Variants in MEF2A observed in about 807,000 individuals in gnomAD.
MEF2A encodes myocyte-specific enhancer factor 2A.
Under a neutral mutation model 55.8 loss-of-function variants are expected in MEF2A, and 28 were observed. That is an observed-to-expected ratio of 0.50 (90% CI 0.37 to 0.69). The LOEUF is 0.69. Among genes scored for constraint, MEF2A ranks in the 30% least tolerant of loss-of-function variants. MEF2A has a pLI of 0.00. For synonymous variants in MEF2A, 239 were observed against 227.1 expected (o/e 1.05, Z -0.47); for missense variants, 528 against 626.2 (o/e 0.84, Z 1.67).
At chr15:99,579,860 G>T (rs1965406880) in intron 1 of MEF2A, among the ~76,000 whole-genome samples, 1 of 152,108 alleles carries the variant, frequency 6.6e-6, no homozygotes, top group South Asian at 2.1e-4. Flanking sequence ...AGGTCTTGTA[G>T]GACCTTAACT....
At chr15:99,625,840 A>G (rs1288545123) in intron 2 of MEF2A, among the ~76,000 whole-genome samples, 2 of 152,044 alleles carry the variant, frequency 1.3e-5, no homozygotes, top group Non-Finnish European at 1.5e-5. Flanking sequence ...CACCATTATA[A>G]TCCTTTTAAT....
chr15:99,618,681 A>G (rs766967213), intron 2 of MEF2A, among the ~76,000 whole-genome samples: 5 of 152,198 alleles, frequency 3.3e-5, no homozygotes, highest in Non-Finnish European at 7.4e-5. Flanking sequence ...TGTGTAGTAC[A>G]TATACACATA....
At chr15:99,678,147 A>T (rs912428258) in intron 7 of MEF2A, among the ~76,000 whole-genome samples, 8 of 152,220 alleles carry the variant, frequency 5.3e-5, no homozygotes, top group Admixed American at 2.0e-4. Flanking sequence ...AATTTCCATT[A>T]TATCTTTTTC....
intron 8 of MEF2A, among the ~76,000 whole-genome samples, chr15:99,699,411 A>G (rs1399337352): frequency 1.3e-5 from 2 of 152,218 alleles, no homozygotes; most frequent in Non-Finnish European, 2.9e-5. Flanking sequence ...GGAGTTGACT[A>G]TAAAGGGTTA....
At chr15:99,655,441 C>T (rs1271228437) in intron 4 of MEF2A, among the ~76,000 whole-genome samples, 1 of 152,010 alleles carries the variant, frequency 6.6e-6, no homozygotes, top group Admixed American at 6.6e-5. Flanking sequence ...GATAGATGGT[C>T]TTGAATACCC....
At chr15:99,699,982 GTGTATATA>G (rs769530298) in intron 8 of MEF2A, among the ~76,000 whole-genome samples, 205 of 114,838 alleles carry the variant, frequency 1.8e-3, no homozygotes, top group African/African-American at 4.3e-3. Context: ...GTGTGTGTGT[GTGTATATA>G]TATATATATA....
At chr15:99,594,311 A>G (rs1970377030) in intron 1 of MEF2A, among the ~76,000 whole-genome samples, 1 of 152,200 alleles carries the variant, frequency 6.6e-6, no homozygotes, top group Admixed American at 6.5e-5. Context: ...CATGAAGGAT[A>G]TAGATGAATG....
chr15:99,681,340 A>T (rs1013106381), intron 7 of MEF2A, among the ~76,000 whole-genome samples: 2 of 152,200 alleles, frequency 1.3e-5, no homozygotes, highest in Non-Finnish European at 2.9e-5. Flanking sequence ...GAAGGTGGGG[A>T]TGGGATGGCG....
chr15:99,629,839 C>T (rs527757159), intron 2 of MEF2A, among the ~76,000 whole-genome samples: 72 of 152,192 alleles, frequency 4.7e-4, no homozygotes, highest in African/African-American at 1.7e-3. Flanking sequence ...ACTTGGGAGG[C>T]TGAGGCAGGA....
chr15:99,603,431 G>A (rs965885376), intron 2 of MEF2A, among the ~76,000 whole-genome samples: 3 of 150,838 alleles, frequency 2.0e-5, no homozygotes, highest in African/African-American at 7.3e-5. Flanking sequence ...GGAGTGCAGT[G>A]GCGTGATCTT....
intron 4 of MEF2A, 89 bp downstream of exon 4, chr15:99,645,853 AAAAC>A: frequency 5.3e-6 from 5 of 939,630 alleles, no homozygotes; most frequent in Non-Finnish European, 7.9e-6. Context: ...TTGTACATCT[AAAAC>A]ATAAATTAGG....
At chr15:99,710,872 A>C (rs2058568639) in intron 11 of MEF2A, 112 bp downstream of exon 11, 1 of 1,253,850 alleles carries the variant, frequency 8.0e-7, no homozygotes, top group South Asian at 1.6e-5. Context: ...TCCTGTAATG[A>C]TTCCTTTTCA....
At chr15:99,644,931 C>T (rs2045693327) in intron 3 of MEF2A, among the ~76,000 whole-genome samples, 1 of 152,034 alleles carries the variant, frequency 6.6e-6, no homozygotes, top group Non-Finnish European at 1.5e-5. Context: ...AGAGAGAATA[C>T]AGAGCATAAA....
At chr15:99,706,632 A>T (rs1243694343) in intron 9 of MEF2A, 97 bp from the exon 10 acceptor site, 6 of 1,358,102 alleles carry the variant, frequency 4.4e-6, no homozygotes, top group Non-Finnish European at 6.3e-6. Flanking sequence ...AATGACATTC[A>T]TATGAAACTG....
chr15:99,678,516 C>G (rs901889577), intron 7 of MEF2A: 26 of 381,692 alleles, frequency 6.8e-5, no homozygotes, highest in Non-Finnish European at 9.4e-5. Context: ...TACCTTTAAA[C>G]CATATCATTT....
intron 1 of MEF2A, among the ~76,000 whole-genome samples, chr15:99,584,223 A>G (rs954218828): frequency 3.3e-5 from 5 of 152,188 alleles, no homozygotes; most frequent in Non-Finnish European, 4.4e-5. Context: ...TTGCTATGCA[A>G]TGACTGGGGA....
At chr15:99,608,053 A>G (rs1975789969) in intron 2 of MEF2A, among the ~76,000 whole-genome samples, 1 of 152,226 alleles carries the variant, frequency 6.6e-6, no homozygotes, top group African/African-American at 2.4e-5. Context: ...TTGATATTTT[A>G]TAGACTGGTC....
chr15:99,698,427 T>A (rs996684060), intron 8 of MEF2A, among the ~76,000 whole-genome samples: 2 of 152,194 alleles, frequency 1.3e-5, no homozygotes, highest in African/African-American at 4.8e-5. Context: ...CTCAATATTA[T>A]CAGGCTTAGG....
intron 2 of MEF2A, among the ~76,000 whole-genome samples, chr15:99,631,804 TAAG>T (rs2042990121): frequency 6.6e-6 from 1 of 152,090 alleles, no homozygotes; most frequent in Non-Finnish European, 1.5e-5. Context: ...GGAAGATAAA[TAAG>T]AAATGCTGTG....
Sources: allele counts gnomAD v4.1 joint callset (sites outside exome capture counted in the v4.1 genomes callset), GRCh38; gene constraint gnomAD v4.1.1; transcripts MANE v1.5; gene names NCBI Gene and HGNC (gene_info 2026-07-23, HGNC 2026-07-21).